Variants in ADGRL2 observed in about 807,000 individuals in gnomAD.
ADGRL2 encodes the protein calcium-independent alpha-latrotoxin receptor 2.
ADGRL2 carries 44 observed loss-of-function variants against 157.4 expected under a neutral mutation model. That is an observed-to-expected ratio of 0.28 (90% confidence interval 0.22 to 0.36). ADGRL2 has a LOEUF of 0.36. Among genes scored for constraint, ADGRL2 ranks in the 10% least tolerant of loss-of-function variants. The pLI, the probability that ADGRL2 is intolerant of heterozygous loss-of-function variation, is 1.00. For synonymous variants in ADGRL2, 585 were observed against 624.7 expected, an observed-to-expected ratio of 0.94 and a Z score of 0.95; for missense variants, 1,510 against 1,768.9, an observed-to-expected ratio of 0.85 and a Z score of 2.63.
intron 3 of ADGRL2, among the ~76,000 whole-genome samples, chr1:81,607,214 G>A (rs778174598): frequency 6.6e-5 from 10 of 152,092 alleles, no homozygotes; most frequent in Non-Finnish European, 1.3e-4. Flanking sequence ...TTCCCTAAAC[G>A]CAACATTGGG....
At chr1:81,767,033 T>A (rs541941851) in intron 2 of ADGRL2, among the ~76,000 whole-genome samples, 49 of 152,138 alleles carry the variant, frequency 3.2e-4, no homozygotes, top group Middle Eastern at 3.4e-3. Context: ...TTCTTTATAA[T>A]TTTACCTCAT....
intron 1 of ADGRL2, among the ~76,000 whole-genome samples, chr1:81,419,234 T>G (rs4650546): frequency 6.6e-6 from 1 of 152,116 alleles, no homozygotes; most frequent in Admixed American, 6.5e-5. Context: ...GACGGAGTCT[T>G]GCTCTGTCAC....
chr1:81,953,365 G>A (rs961410014), intron 10 of ADGRL2, among the ~76,000 whole-genome samples: 20 of 151,856 alleles, frequency 1.3e-4, no homozygotes, highest in African/African-American at 1.2e-4. Flanking sequence ...ATATATTCTC[G>A]GCAGTTTATC....
chr1:81,465,049 T>C (rs1194281062), intron 2 of ADGRL2, among the ~76,000 whole-genome samples: 2 of 152,118 alleles, frequency 1.3e-5, no homozygotes, highest in African/African-American at 4.8e-5. Flanking sequence ...TTGGTGGCAT[T>C]GTCCAAGTGA....
At chr1:81,399,349 A>G (rs1487233695) in intron 1 of ADGRL2, among the ~76,000 whole-genome samples, 3 of 152,268 alleles carry the variant, frequency 2.0e-5, no homozygotes, top group Admixed American at 6.5e-5. Flanking sequence ...TTTCAGCTAT[A>G]ATTTTATTAT....
chr1:81,566,770 C>T (rs1203180604), intron 2 of ADGRL2, among the ~76,000 whole-genome samples: 1 of 151,864 alleles, frequency 6.6e-6, no homozygotes, highest in Non-Finnish European at 1.5e-5. Context: ...TAAATGTTAT[C>T]CTTAAAATAT....
At chr1:81,415,482 G>A (rs926225937) in intron 1 of ADGRL2, among the ~76,000 whole-genome samples, 1 of 152,168 alleles carries the variant, frequency 6.6e-6, no homozygotes, top group Admixed American at 6.5e-5. Flanking sequence ...TAGTGGGGAA[G>A]AGAGGGGTCC....
rs571486189 is a variant in ADGRL2, at chr1:81,775,126, G to A, written c.-101+13274G>A. Among the ~76,000 whole-genome samples the A allele has an allele frequency of 3.9e-5, 6 of 152,188 alleles. No homozygotes were observed. The South Asian group carries it at 1.2e-3, about 32-fold the overall frequency. On this transcript the variant is annotated intron_variant, in intron 2 of 20. Coordinates refer to the ADGRL2 transcript ENST00000359929. Reference sequence around the variant, plus strand: ...ACAACATACAGTTCACCTTGGAAAAGGAGGAGGTAATGTCTGAAATTTTAT... The same window carrying A: ...ACAACATACAGTTCACCTTGGAAAAAGAGGAGGTAATGTCTGAAATTTTAT...
At chr1:81,501,888 G>A in intron 2 of ADGRL2, 1 of 1,608,620 alleles carries the variant, frequency 6.2e-7, no homozygotes, top group Non-Finnish European at 8.5e-7. Context: ...CAGCAGATGA[G>A]AGAAGCCCAG....
chr1:81,778,558 C>T (rs182807063), intron 2 of ADGRL2, among the ~76,000 whole-genome samples: 51 of 152,198 alleles, frequency 3.4e-4, no homozygotes, highest in African/African-American at 1.1e-3. Context: ...TTGATGACAT[C>T]GTCTTTTATA....
intron 3 of ADGRL2, among the ~76,000 whole-genome samples, chr1:81,916,873 C>T (rs1484325674): frequency 6.6e-6 from 1 of 151,870 alleles, no homozygotes; most frequent in Non-Finnish European, 1.5e-5. Context: ...AATTGGTTTA[C>T]CCCAAATCCA....
chr1:81,542,308 G>A (rs141723026), intron 2 of ADGRL2, among the ~76,000 whole-genome samples: 1 of 152,292 alleles, frequency 6.6e-6, no homozygotes, highest in African/African-American at 2.4e-5. Context: ...AACACTCGTG[G>A]CCATTACCAT....
intron 2 of ADGRL2, among the ~76,000 whole-genome samples, chr1:81,516,871 C>T (rs1232726266): frequency 6.6e-6 from 1 of 151,956 alleles, no homozygotes; most frequent in East Asian, 1.9e-4. Flanking sequence ...TTTCATGTCC[C>T]CCTCTGTTGG....
At chr1:81,693,943 T>C (rs943594731) in intron 3 of ADGRL2, among the ~76,000 whole-genome samples, 6 of 152,146 alleles carry the variant, frequency 3.9e-5, no homozygotes, top group African/African-American at 1.4e-4. Flanking sequence ...GATATGTAAA[T>C]ACATAGGTGC....
At chr1:81,866,457 A>G (rs1348867980) in intron 2 of ADGRL2, among the ~76,000 whole-genome samples, 2 of 152,256 alleles carry the variant, frequency 1.3e-5, no homozygotes, top group African/African-American at 4.8e-5. Context: ...CTTGGCATAT[A>G]TTAGTATAGT....
chr1:81,575,584 G>C, intron 2 of ADGRL2, among the ~76,000 whole-genome samples: 1 of 152,062 alleles, frequency 6.6e-6, no homozygotes. Flanking sequence ...AGCATATTTT[G>C]GCATTTAGTC....
intron 1 of ADGRL2, among the ~76,000 whole-genome samples, chr1:81,716,490 C>T (rs867556352): frequency 6.6e-6 from 1 of 152,108 alleles, no homozygotes; most frequent in Non-Finnish European, 1.5e-5. Context: ...TCAGAAATTA[C>T]ATTTTATTAC....
rs111923568 is a variant in ADGRL2, at chr1:81,631,225, G to GTT, written c.-143+50253_-143+50254dup. 4.7e-3 allele frequency among the ~76,000 whole-genome samples: 706 copies of GTT among 149,884 alleles called. 6 individuals are homozygous for GTT. Among genetic ancestry groups the GTT allele is most frequent in the African/African-American group, 0.017 (675 of 40,826 alleles). On this transcript the variant is annotated intron_variant, in intron 3 of 24. Transcript: ENST00000370721. ...CTTCTTTTCTTTTTTCTTTTCTTTT[G>GTT]TTTTTTTTTGAGACAGAGTCTTGCT...
chr1:81,412,572 C>G (rs1400872761), intron 1 of ADGRL2, among the ~76,000 whole-genome samples: 2 of 152,210 alleles, frequency 1.3e-5, no homozygotes, highest in Non-Finnish European at 2.9e-5. Flanking sequence ...CACTTGGACT[C>G]TAAGCTCGCT....
Sources: gnomAD v4.1 joint callset for allele counts (sites outside exome capture counted in the v4.1 genomes callset) on GRCh38, gnomAD v4.1.1 for gene constraint, MANE v1.5 for transcripts, NCBI Gene and HGNC (gene_info 2026-07-23, HGNC 2026-07-21) for gene names.